CARM1: variants seen among roughly 807,000 people sequenced by gnomAD.
CARM1 encodes histone-arginine methyltransferase CARM1.
A neutral mutation model predicts 72.7 loss-of-function variants in CARM1; 14 were observed. The observed-to-expected ratio is 0.19, with a 90% confidence interval of 0.13 to 0.30. The LOEUF is 0.30. CARM1 is among the 10% of genes least tolerant of loss of function. CARM1 has a pLI of 1.00. For missense variants in CARM1, 432 were observed against 833.7 expected (o/e 0.52, Z 5.93); for synonymous variants, 333 against 345.5 (o/e 0.96, Z 0.40).
intron 1 of CARM1, among the ~76,000 whole-genome samples, chr19:10,904,629 G>A (rs2074089478): frequency 6.6e-6 from 1 of 152,226 alleles, no homozygotes; most frequent in Admixed American, 6.5e-5. Flanking sequence ...CAGGGCAGAG[G>A]CAGCTCCAGC....
At position 10,905,119 on chromosome 19, in the gene CARM1, G is replaced by A. The variant is rs766035738; in HGVS notation, c.346+43G>A. On this transcript the variant is annotated intron_variant, in intron 2 of 15. Transcript: ENST00000327064. ...CATTCCGGTGACACCAGCCCAAAGCGCCCAGAGCCCTGGTGGGCAGGGGCG... is the reference window on the plus strand; with the variant it reads ...CATTCCGGTGACACCAGCCCAAAGCACCCAGAGCCCTGGTGGGCAGGGGCG... 15 of 1,603,208 alleles carry A rather than the reference G, an allele frequency of 9.4e-6. No homozygotes were observed. In the East Asian group the frequency reaches 1.6e-4, roughly 17 times the overall value.
rs571479904 is a variant in CARM1, at chr19:10,920,041, G to A, written c.1196+75G>A. 125 of 1,170,836 alleles carry A rather than the reference G, an allele frequency of 1.1e-4. 1 individual carries two copies. Among genetic ancestry groups the A allele is most frequent in the South Asian group, 5.2e-4 (42 of 80,372 alleles). The allele number at this position is 1,170,836 out of a possible 1,614,324, so 72.5% of individuals were successfully genotyped here. On this transcript the variant is annotated intron_variant, in intron 10 of 15. Transcript: ENST00000327064. This position sits in a 1 kb window ranked among gnomAD's most constrained non-coding sequence, Gnocchi z 5.3. ...TCCTGCAGCTGCAACCTGGCTGGGGGGGTGGAACATGGCTCCAGGTTCCAC... is the reference window on the plus strand; with the variant it reads ...TCCTGCAGCTGCAACCTGGCTGGGGAGGTGGAACATGGCTCCAGGTTCCAC...
intron 2 of CARM1, among the ~76,000 whole-genome samples, chr19:10,907,361 G>A (rs1465850569): frequency 2.6e-5 from 4 of 152,122 alleles, no homozygotes; most frequent in Admixed American, 1.3e-4. Context: ...GCTTTAAAGG[G>A]CCACATACCA....
rs1406452052 is a variant in CARM1, at chr19:10,915,432, T to C, written c.848-975T>C. Among the ~76,000 whole-genome samples, 1 of 152,062 alleles carries C rather than the reference T, an allele frequency of 6.6e-6. No individual in the cohort carries two copies. Among genetic ancestry groups the C allele is most frequent in the African/African-American group, 2.4e-5 (1 of 41,404 alleles). ...CAGGCCTGTGCAAGGAGGACTCCTG[T>C]CCAGCTCAGGAAGCTCTTCCAGGGG... is the stretch of plus-strand genomic sequence containing the variant. On this transcript the variant is annotated intron_variant, in intron 6 of 15. Coordinates refer to ENST00000327064, the MANE Select transcript of CARM1 (RefSeq NM_199141.2). This position sits in a 1 kb window ranked among gnomAD's most constrained non-coding sequence, Gnocchi z 4.6.
At chr19:10,888,244 CCT>C (rs1321071996) in intron 1 of CARM1, among the ~76,000 whole-genome samples, 2 of 152,138 alleles carry the variant, frequency 1.3e-5, no homozygotes, top group Non-Finnish European at 2.9e-5. Context: ...ACTAGCCTGG[CCT>C]GGCATTGCCC....
chr19:10,891,542 A>G (rs1020711311), intron 1 of CARM1, among the ~76,000 whole-genome samples: 6 of 152,204 alleles, frequency 3.9e-5, no homozygotes, highest in Non-Finnish European at 8.8e-5. Flanking sequence ...GCCAGCCTCC[A>G]GCTGGGTCAC....
At chr19:10,884,018 T>TTG (rs1555724730) in intron 1 of CARM1, among the ~76,000 whole-genome samples, 6 of 145,818 alleles carry the variant, frequency 4.1e-5, no homozygotes, top group Non-Finnish European at 6.0e-5. Context: ...ACTCTGTTTT[T>TTG]TTTTTTTTTT....
At chr19:10,883,011 G>A (rs1423382737) in intron 1 of CARM1, among the ~76,000 whole-genome samples, 1 of 151,956 alleles carries the variant, frequency 6.6e-6, no homozygotes, top group Admixed American at 6.6e-5. Context: ...GGGCCTGCAG[G>A]GTGTCTGTGG....
chr19:10,905,186 C>T, intron 2 of CARM1, 110 bp downstream of exon 2: 1 of 1,304,836 alleles, frequency 7.7e-7, no homozygotes, highest in Non-Finnish European at 1.1e-6. Flanking sequence ...CTTAAGAAGG[C>T]TCCACTGCCC....
At chr19:10,880,320 A>G (rs2073892196) in intron 1 of CARM1, among the ~76,000 whole-genome samples, 1 of 152,104 alleles carries the variant, frequency 6.6e-6, no homozygotes, top group East Asian at 1.9e-4. Flanking sequence ...GGTTTCCATC[A>G]GTTCCATCAG....
chr19:10,904,915 G>A (rs1568352688), intron 1 of CARM1, 36 bp from the exon 2 acceptor site: 4 of 1,610,646 alleles, frequency 2.5e-6, no homozygotes, highest in Non-Finnish European at 3.4e-6. Flanking sequence ...AGCTGACAGG[G>A]CTGCACCGCT....
chr19:10,872,001 G>T (rs1870230009), intron 1 of CARM1, 79 bp downstream of exon 1: 1 of 1,116,774 alleles, frequency 9.0e-7, no homozygotes. Flanking sequence ...GGCGGGGAGG[G>T]GCCCTGAGCG....
intron 4 of CARM1, among the ~76,000 whole-genome samples, chr19:10,910,145 T>C (rs2074137372): frequency 6.6e-6 from 1 of 151,876 alleles, no homozygotes; most frequent in Admixed American, 6.6e-5. Flanking sequence ...GCACTCATGA[T>C]TAAAGAGAGA....
chr19:10,921,247 C>G, intron 14 of CARM1, 120 bp downstream of exon 14: 1 of 1,430,190 alleles, frequency 7.0e-7, no homozygotes, highest in East Asian at 2.3e-5. Context: ...TTTCCTCTTC[C>G]TGGGGGCTCT....
chr19:10,904,869 C>T (rs978089521), intron 1 of CARM1, 82 bp from the exon 2 acceptor site: 22 of 1,554,602 alleles, frequency 1.4e-5, no homozygotes, highest in Non-Finnish European at 1.8e-5. Flanking sequence ...GGGGAGGCAG[C>T]AGGAGGGCGA....
rs370163685 is a variant in CARM1, at chr19:10,916,420, T to C, written c.861T>C (p.Pro287=). The change falls in exon 7 of 16, where the codon CCT becomes CCC. Residue 287 remains proline (P), a synonymous_variant. Coordinates refer to ENST00000327064, the MANE Select transcript of CARM1 (RefSeq NM_199141.2). This position sits in a 1 kb window ranked among gnomAD's most constrained non-coding sequence, Gnocchi z 4.4. ...KYLKPSGNMF[P]TIGDVHLAPF... ...CCCCACTCCCAGGAAACATGTTTCC[T>C]ACCATTGGTGACGTCCACCTTGCAC... 36 of 1,613,254 alleles carry C rather than the reference T, an allele frequency of 2.2e-5. No homozygotes were observed. Among genetic ancestry groups the C allele is most frequent in the Non-Finnish European group, 2.7e-5 (32 of 1,179,480 alleles).
intron 1 of CARM1, among the ~76,000 whole-genome samples, chr19:10,875,632 G>C (rs1441627565): frequency 1.3e-5 from 2 of 152,056 alleles, no homozygotes; most frequent in Non-Finnish European, 2.9e-5. Context: ...CACCGTGTTA[G>C]CCAGGATGGT....
intron 1 of CARM1, among the ~76,000 whole-genome samples, chr19:10,880,698 G>A (rs1245876241): frequency 6.6e-6 from 1 of 152,138 alleles, no homozygotes; most frequent in South Asian, 2.1e-4. Flanking sequence ...GGCCCCTGGG[G>A]GCGGTCCCAT....
intron 1 of CARM1, among the ~76,000 whole-genome samples, chr19:10,904,423 T>TA (rs1319971003): frequency 6.6e-5 from 10 of 152,260 alleles, no homozygotes; most frequent in African/African-American, 2.4e-4. Context: ...GGAGACAGTG[T>TA]CCTAATTCAC....
Sources: allele counts gnomAD v4.1 joint callset (sites outside exome capture counted in the v4.1 genomes callset), GRCh38; gene constraint gnomAD v4.1.1; non-coding constraint Gnocchi (gnomAD v3.1); transcripts MANE v1.5; gene names NCBI Gene and HGNC (gene_info 2026-07-23, HGNC 2026-07-21).